Variants in MRAP2 observed in about 807,000 individuals in gnomAD.
MRAP2 encodes the protein melanocortin-2 receptor accessory protein 2.
A neutral mutation model predicts 17.4 loss-of-function variants in MRAP2; 20 were observed. The ratio of observed to expected loss-of-function variants is 1.15; its 90% CI spans 0.81 to 1.67. The LOEUF (loss-of-function observed/expected upper bound fraction) is 1.67. Ranked by LOEUF, MRAP2 falls within the 40% of genes most tolerant of loss-of-function variation. MRAP2 has a pLI of 0.00. For missense variants in MRAP2, 238 were observed against 240.0 expected (o/e 0.99, Z 0.05); for synonymous variants, 96 against 88.4 (o/e 1.09, Z -0.48).
chr6:84,132,459 C>G, the MRAP2 span, among the ~76,000 whole-genome samples: 2 of 152,310 alleles, frequency 1.3e-5, no homozygotes, highest in East Asian at 1.9e-4. Context: ...GTTCCATTCT[C>G]CCCGTCACTT....
chr6:84,063,320 AG>A (rs2099493662), intron 3 of MRAP2: 3 of 985,020 alleles, frequency 3.0e-6, no homozygotes, highest in Admixed American at 6.1e-5. Flanking sequence ...AAAAGGATTT[AG>A]ATGATTCACC....
the MRAP2 span, among the ~76,000 whole-genome samples, chr6:84,121,604 A>G: frequency 6.6e-6 from 1 of 152,328 alleles, no homozygotes; most frequent in South Asian, 2.1e-4. Context: ...AGATTACACC[A>G]TAGCATTGTG....
the MRAP2 span, among the ~76,000 whole-genome samples, chr6:84,106,438 C>T: frequency 2.0e-5 from 3 of 152,146 alleles, no homozygotes; most frequent in South Asian, 4.1e-4. Context: ...TGACTGATAA[C>T]CCCTGAGGAT....
chr6:84,056,261 G>A (rs944910937), intron 2 of MRAP2, among the ~76,000 whole-genome samples: 1 of 152,216 alleles, frequency 6.6e-6, no homozygotes, highest in Non-Finnish European at 1.5e-5. Flanking sequence ...GGAAATATAA[G>A]AGGGCTTAGA....
At position 84,069,477 on chromosome 6, in the gene MRAP2, T is replaced by G. The variant is rs182838164; in HGVS notation, c.227+6485T>G. Among the ~76,000 whole-genome samples the G allele has an allele frequency of 6.0e-3, 907 of 152,274 alleles. 5 individuals carry two copies. Among genetic ancestry groups the G allele is most frequent in the African/African-American group, 0.021 (875 of 41,540 alleles). ...CATGGTGGATTACCTTTTTGATATG[T>G]TGTTGGACTCAGTTAGCTAGTATTT... On this transcript the variant is annotated intron_variant, in intron 3 of 3. Coordinates refer to ENST00000257776, the MANE Select transcript of MRAP2 (RefSeq NM_138409.4).
rs186299523 is a variant in MRAP2, at chr6:84,074,959, G to A, written c.227+11967G>A. Among the ~76,000 whole-genome samples the A allele has an allele frequency of 1.1e-4, 17 of 152,246 alleles. No homozygotes were observed. In the East Asian group the frequency reaches 2.7e-3, roughly 24 times the overall value. On this transcript the variant is annotated intron_variant, in intron 3 of 3. Transcript: ENST00000257776. ...TAACTACTTAGTGGCTTCTGTTAACGGGGGAAATATGTGCTAGGCTAGGCT... is the reference window on the plus strand; with the variant it reads ...TAACTACTTAGTGGCTTCTGTTAACAGGGGAAATATGTGCTAGGCTAGGCT...
At chr6:84,080,002 C>T (rs963414333) in intron 3 of MRAP2, among the ~76,000 whole-genome samples, 1 of 150,970 alleles carries the variant, frequency 6.6e-6, no homozygotes, top group African/African-American at 2.5e-5. Context: ...TCATAACCTT[C>T]CCCAGCTCTA....
rs988566636 is a variant in MRAP2, at chr6:84,033,787, G to A, written c.-104G>A. On this transcript the variant is annotated 5_prime_UTR_variant, in exon 1 of 4. Transcript: ENST00000257776. ...TCTAGGAGCTACTCGCCCGGCCCTGGGCGGTGGGAGGCGGCGGCGGCGGCG... is the reference window on the plus strand; with the variant it reads ...TCTAGGAGCTACTCGCCCGGCCCTGAGCGGTGGGAGGCGGCGGCGGCGGCG... 12 of 986,912 alleles carry A rather than the reference G, an allele frequency of 1.2e-5. No individual in the cohort carries two copies. Among genetic ancestry groups the A allele is most frequent in the African/African-American group, 5.3e-5 (3 of 57,010 alleles). 61.1% of individuals were successfully genotyped at this position (986,912 alleles called of 1,614,324 possible).
At chr6:84,043,506 T>A (rs1386006671) in intron 1 of MRAP2, among the ~76,000 whole-genome samples, 1 of 152,154 alleles carries the variant, frequency 6.6e-6, no homozygotes, top group African/African-American at 2.4e-5. Context: ...TGGAACTGAA[T>A]GGGCAAAAGC....
intron 3 of MRAP2, among the ~76,000 whole-genome samples, chr6:84,072,223 A>G (rs1469232075): frequency 1.3e-5 from 2 of 152,166 alleles, no homozygotes; most frequent in Non-Finnish European, 2.9e-5. Flanking sequence ...GGGAAACTCT[A>G]GGGCTGAAGG....
chr6:84,100,877 A>G, the MRAP2 span, among the ~76,000 whole-genome samples: 1 of 152,108 alleles, frequency 6.6e-6, no homozygotes, highest in African/African-American at 2.4e-5. Flanking sequence ...CCCTGTATTA[A>G]GAGAGACCTG....
At chr6:84,127,992 A>AT in the MRAP2 span, among the ~76,000 whole-genome samples, 16 of 152,260 alleles carry the variant, frequency 1.1e-4, no homozygotes, top group African/African-American at 3.8e-4. Context: ...CAGATGTCTC[A>AT]TTTTTTTATT....
At chr6:84,060,620 T>G (rs1483493683) in intron 2 of MRAP2, among the ~76,000 whole-genome samples, 1 of 151,766 alleles carries the variant, frequency 6.6e-6, no homozygotes, top group Non-Finnish European at 1.5e-5. Flanking sequence ...CATGCCTAGA[T>G]AGTTGAGATT....
At chr6:84,088,579 A>G (rs2099501051) in intron 3 of MRAP2, among the ~76,000 whole-genome samples, 1 of 152,204 alleles carries the variant, frequency 6.6e-6, no homozygotes, top group Admixed American at 6.5e-5. Flanking sequence ...AGAAAAATGG[A>G]TATTATAGCA....
At chr6:84,085,900 C>A (rs6922368) in intron 3 of MRAP2, among the ~76,000 whole-genome samples, 19,853 of 152,076 alleles carry the variant, frequency 0.13, 1,331 homozygotes, top group Middle Eastern at 0.23. Context: ...CAGATAAAGT[C>A]AAAAAGCCTC....
the MRAP2 span, among the ~76,000 whole-genome samples, chr6:84,133,879 C>T: frequency 6.6e-6 from 1 of 152,168 alleles, no homozygotes; most frequent in Non-Finnish European, 1.5e-5. Context: ...GTCCAACAAG[C>T]CCCAGTGAGA....
chr6:84,144,157 G>A, the MRAP2 span, among the ~76,000 whole-genome samples: 4 of 151,960 alleles, frequency 2.6e-5, no homozygotes, highest in Non-Finnish European at 5.9e-5. Context: ...AATCTCAAAA[G>A]AATGTTCTTT....
chr6:84,084,491 C>G (rs748009514), intron 3 of MRAP2, among the ~76,000 whole-genome samples: 1 of 152,152 alleles, frequency 6.6e-6, no homozygotes, highest in Non-Finnish European at 1.5e-5. Flanking sequence ...TCAGACAAAC[C>G]TAGATTTACA....
At chr6:84,079,374 AG>A (rs1298101947) in intron 3 of MRAP2, among the ~76,000 whole-genome samples, 1 of 152,226 alleles carries the variant, frequency 6.6e-6, no homozygotes, top group Non-Finnish European at 1.5e-5. Flanking sequence ...TAGAAATCAG[AG>A]CAGTGTTACC....
Sources: allele counts gnomAD v4.1 joint callset (sites outside exome capture counted in the v4.1 genomes callset), GRCh38; gene constraint gnomAD v4.1.1; transcripts MANE v1.5; gene names NCBI Gene and HGNC (gene_info 2026-07-23, HGNC 2026-07-21).